The following KCMF1 variants were observed in gnomAD, a reference collection of about 807,000 sequenced individuals.
KCMF1 encodes E3 ubiquitin-protein ligase KCMF1.
In KCMF1, 3 loss-of-function variants were observed where a neutral mutation model predicts 41.1. The ratio of observed to expected loss-of-function variants is 0.07; its 90% confidence interval spans 0.03 to 0.19. The LOEUF is 0.19. Among genes scored for constraint, KCMF1 ranks in the 10% least tolerant of loss-of-function variants. The probability of loss-of-function intolerance (pLI) is 1.00; values close to 1 mark genes in which losing one functional copy is unlikely to be tolerated. For synonymous variants in KCMF1, 142 were observed against 164.5 expected, an observed-to-expected ratio of 0.86 and a Z score of 1.04; for missense variants, 286 against 488.9, an observed-to-expected ratio of 0.58 and a Z score of 3.91.
chr2:85,040,289 T>G (rs575003805), intron 3 of KCMF1, among the ~76,000 whole-genome samples: 2 of 152,336 alleles, frequency 1.3e-5, no homozygotes, highest in East Asian at 3.9e-4. Flanking sequence ...ATATTAATGT[T>G]GACAAGCTGT....
chr2:85,050,822 C>T (rs1273755000), intron 6 of KCMF1, among the ~76,000 whole-genome samples: 1 of 152,110 alleles, frequency 6.6e-6, no homozygotes, highest in Non-Finnish European at 1.5e-5. Context: ...TCTGTTAATA[C>T]AGTGGTGCAT....
At chr2:85,038,393 G>A (rs1297982211) in intron 3 of KCMF1, among the ~76,000 whole-genome samples, 1 of 152,140 alleles carries the variant, frequency 6.6e-6, no homozygotes, top group Non-Finnish European at 1.5e-5. Flanking sequence ...GGTTCTACAA[G>A]GCCCAAAAGG....
At chr2:85,046,399 G>GC in intron 5 of KCMF1, 121 bp downstream of exon 5, 1 of 691,598 alleles carries the variant, frequency 1.4e-6, no homozygotes, top group Non-Finnish European at 2.4e-6. Context: ...GGAGGCTGGA[G>GC]CGGGTGGATC....
chr2:85,052,081 T>G (rs1394495122), intron 6 of KCMF1, among the ~76,000 whole-genome samples: 2 of 152,202 alleles, frequency 1.3e-5, no homozygotes, highest in Non-Finnish European at 2.9e-5. Flanking sequence ...AGATCGGTCT[T>G]TTTTTGAGAT....
chr2:85,054,020 G>C lies in KCMF1; in HGVS notation c.*611G>C, dbSNP rs904451856. 1 of 152,460 alleles carries C rather than the reference G, an allele frequency of 6.6e-6. No homozygotes were observed. Among genetic ancestry groups the C allele is most frequent in the Non-Finnish European group, 1.5e-5 (1 of 68,278 alleles). The allele number at this position is 152,460 out of a possible 1,614,324, so 9.4% of individuals were successfully genotyped here. A position where few individuals can be genotyped will look rare whatever the true frequency, so the allele number is the denominator to read the frequency against. ...GGATTATAGCCGGGTGTGGCACTCC[G>C]CCCTGTGTGACTGTCCTGTCGCCCT... On this transcript the variant is annotated 3_prime_UTR_variant, in exon 7 of 7. Coordinates refer to ENST00000409785, the MANE Select transcript of KCMF1 (RefSeq NM_020122.5).
At chr2:84,992,534 C>T (rs978670456) in intron 1 of KCMF1, among the ~76,000 whole-genome samples, 1 of 152,160 alleles carries the variant, frequency 6.6e-6, no homozygotes. Context: ...TAGTAACCAT[C>T]TTCATTTTCT....
At chr2:85,027,215 C>T (rs1021701868) in intron 1 of KCMF1, among the ~76,000 whole-genome samples, 40 of 152,142 alleles carry the variant, frequency 2.6e-4, no homozygotes, top group African/African-American at 9.2e-4. Context: ...ATCCCACCTT[C>T]ACTAGGCCTT....
At chr2:85,008,281 T>C (rs1485998177) in intron 1 of KCMF1, among the ~76,000 whole-genome samples, 4 of 100,770 alleles carry the variant, frequency 4.0e-5, no homozygotes, top group Admixed American at 1.1e-4. Context: ...ATATATAATA[T>C]GATATATAAT....
intron 4 of KCMF1, among the ~76,000 whole-genome samples, chr2:85,045,866 C>G (rs1219155455): frequency 2.0e-5 from 3 of 151,980 alleles, no homozygotes; most frequent in Non-Finnish European, 4.4e-5. Context: ...TATAGAGAAA[C>G]TTTTTTACCT....
At position 85,021,621 on chromosome 2, in the gene KCMF1, A is replaced by AC. The variant is rs562470924; in HGVS notation, c.17-6268_17-6267insC. ...TGGGCAACAGAGCGAGACTGTCACA[A>AC]AAAAAAAAAATCTTACTGCATCTGA... On this transcript the variant is annotated intron_variant, in intron 1 of 6. Transcript: ENST00000409785. Among the ~76,000 whole-genome samples the AC allele has an allele frequency of 2.3e-3, 347 of 150,080 alleles. 3 individuals are homozygous for AC. Among genetic ancestry groups the AC allele is most frequent in the African/African-American group, 8.1e-3 (334 of 41,160 alleles).
At chr2:85,048,117 AAAAG>A (rs1191513075) in intron 5 of KCMF1, among the ~76,000 whole-genome samples, 1 of 148,590 alleles carries the variant, frequency 6.7e-6, no homozygotes, top group African/African-American at 2.6e-5. Context: ...AAAAATTTAA[AAAAG>A]AAAAACAACC....
chr2:85,006,232 A>G (rs573960764), intron 1 of KCMF1, among the ~76,000 whole-genome samples: 2 of 143,972 alleles, frequency 1.4e-5, no homozygotes, highest in East Asian at 4.1e-4. Context: ...ACCCTCCCCT[A>G]TTTATAGTTT....
chr2:85,010,846 CTTT>C (rs1285447116), intron 1 of KCMF1, among the ~76,000 whole-genome samples: 1 of 140,596 alleles, frequency 7.1e-6, no homozygotes, highest in African/African-American at 2.6e-5. Flanking sequence ...TAATCTATTA[CTTT>C]TTTTTTTTTT....
At chr2:85,039,881 C>T (rs1222665082) in intron 3 of KCMF1, among the ~76,000 whole-genome samples, 1 of 152,056 alleles carries the variant, frequency 6.6e-6, no homozygotes, top group African/African-American at 2.4e-5. Flanking sequence ...GGTGCGATCT[C>T]GGCTCACTGC....
At chr2:85,004,294 G>A (rs766823868) in intron 1 of KCMF1, among the ~76,000 whole-genome samples, 4 of 152,054 alleles carry the variant, frequency 2.6e-5, no homozygotes, top group African/African-American at 7.2e-5. Flanking sequence ...GGCAGATCAC[G>A]ATGTCAGGAG....
chr2:85,030,159 C>T (rs1409947083), intron 2 of KCMF1, among the ~76,000 whole-genome samples: 2 of 152,080 alleles, frequency 1.3e-5, no homozygotes, highest in Admixed American at 1.3e-4. Flanking sequence ...GAAGAAATAC[C>T]TTGATCCTTT....
intron 1 of KCMF1, among the ~76,000 whole-genome samples, chr2:84,982,920 T>G (rs1053242669): frequency 6.6e-6 from 1 of 152,228 alleles, no homozygotes; most frequent in African/African-American, 2.4e-5. Context: ...GGGACTGATT[T>G]TCTCTTCTCT....
At chr2:85,003,767 CAT>C (rs1330946041) in intron 1 of KCMF1, among the ~76,000 whole-genome samples, 4 of 151,948 alleles carry the variant, frequency 2.6e-5, no homozygotes, top group Non-Finnish European at 5.9e-5. Context: ...CTAATAAAAA[CAT>C]ATATAAAATA....
intron 3 of KCMF1, among the ~76,000 whole-genome samples, chr2:85,039,975 G>A (rs1480091299): frequency 6.6e-6 from 1 of 152,002 alleles, no homozygotes; most frequent in Non-Finnish European, 1.5e-5. Flanking sequence ...ACCACGCCTG[G>A]CTAATTTTTT....
Sources: allele counts gnomAD v4.1 joint callset (sites outside exome capture counted in the v4.1 genomes callset), GRCh38; gene constraint gnomAD v4.1.1; transcripts MANE v1.5; gene names NCBI Gene and HGNC (gene_info 2026-07-23, HGNC 2026-07-21).